The following RIT2 variants were observed in gnomAD, a reference collection of about 807,000 sequenced individuals.
RIT2 encodes the protein GTP-binding protein Rit2.
A neutral mutation model predicts 23.7 loss-of-function variants in RIT2; 24 were observed. The observed-to-expected ratio is 1.01, with a 90% CI of 0.73 to 1.43. The LOEUF is 1.43. RIT2 is among the 40% of genes most tolerant of loss of function. The pLI, the probability that RIT2 is intolerant of heterozygous loss-of-function variation, is 0.00. For synonymous variants in RIT2, 107 were observed against 91.1 expected, an observed-to-expected ratio of 1.17 and a Z score of -0.99; for missense variants, 236 against 266.9, an observed-to-expected ratio of 0.88 and a Z score of 0.81.
At chr18:43,105,036 AG>A (rs893189430) in intron 1 of RIT2, among the ~76,000 whole-genome samples, 42 of 151,896 alleles carry the variant, frequency 2.8e-4, no homozygotes, top group African/African-American at 9.4e-4. Context: ...CCCTCTAATC[AG>A]GCCCTTTGTG....
intron 4 of RIT2, among the ~76,000 whole-genome samples, chr18:42,844,727 C>G (rs1161843882): frequency 2.6e-5 from 4 of 152,010 alleles, no homozygotes; most frequent in Admixed American, 2.6e-4. Context: ...AGACATTATT[C>G]AGAAAGAACC....
chr18:42,812,050 GGTAA>G (rs1340649672), intron 4 of RIT2, among the ~76,000 whole-genome samples: 1 of 152,128 alleles, frequency 6.6e-6, no homozygotes. Flanking sequence ...CAAGATGTAT[GGTAA>G]GTGAGATAGA....
intron 2 of RIT2, among the ~76,000 whole-genome samples, chr18:42,992,369 G>A (rs1910872797): frequency 6.6e-6 from 1 of 152,012 alleles, no homozygotes; most frequent in Non-Finnish European, 1.5e-5. Flanking sequence ...ATGGTCTGAG[G>A]TGCCTGACGT....
chr18:42,806,244 G>A (rs1200900398), intron 4 of RIT2, among the ~76,000 whole-genome samples: 1 of 151,540 alleles, frequency 6.6e-6, no homozygotes, highest in East Asian at 1.9e-4. Context: ...TGAGACAGGA[G>A]GAACACTTGA....
intron 4 of RIT2, among the ~76,000 whole-genome samples, chr18:42,796,804 G>GC (rs1905378744): frequency 6.6e-6 from 1 of 152,136 alleles, no homozygotes; most frequent in Admixed American, 6.5e-5. Flanking sequence ...AGACTCAGTT[G>GC]CCAGAACTGC....
intron 1 of RIT2, among the ~76,000 whole-genome samples, chr18:43,055,027 A>T (rs575474883): frequency 6.6e-6 from 1 of 152,220 alleles, no homozygotes; most frequent in East Asian, 1.9e-4. Context: ...GTAACCCTTC[A>T]GGCTTGTGGA....
chr18:43,082,052 A>T (rs1001439058), intron 1 of RIT2, among the ~76,000 whole-genome samples: 4 of 152,072 alleles, frequency 2.6e-5, no homozygotes, highest in African/African-American at 9.7e-5. Context: ...TAGGTTATTA[A>T]TTACTGCCTC....
rs140449742 is a variant in RIT2, at chr18:42,828,147, C to G, written c.427-84427G>C. Among the ~76,000 whole-genome samples the G allele has an allele frequency of 9.7e-3, 1,478 of 152,080 alleles. 29 individuals carry two copies. The highest frequency in any genetic ancestry group is 0.034 in the African/African-American group (1,403 of 41,492). On this transcript the variant is annotated intron_variant, in intron 4 of 4. Transcript: ENST00000326695. The stretch of plus-strand genomic sequence containing the variant: ...CAAGGATATGCATTGACAAGAAACT[C>G]TCAGACTCTGCTGGCAAGACCATGA...
chr18:42,825,974 C>A (rs1054468946), intron 4 of RIT2, among the ~76,000 whole-genome samples: 3 of 151,884 alleles, frequency 2.0e-5, no homozygotes, highest in African/African-American at 7.2e-5. Flanking sequence ...TTAATTATTG[C>A]CCTGTGGATA....
intron 4 of RIT2, among the ~76,000 whole-genome samples, chr18:42,819,237 C>CAAGT (rs140864983): frequency 0.23 from 34,679 of 151,668 alleles, 5,092 homozygotes; most frequent in African/African-American, 0.42. Context: ...TTGTATTCAC[C>CAAGT]AATAGGATTA....
At chr18:42,809,551 G>T (rs929322627) in intron 4 of RIT2, among the ~76,000 whole-genome samples, 21 of 151,812 alleles carry the variant, frequency 1.4e-4, no homozygotes, top group African/African-American at 4.8e-4. Context: ...ACCTGTATGA[G>T]GCTACTTTGT....
intron 4 of RIT2, among the ~76,000 whole-genome samples, chr18:42,831,816 C>T (rs1450816332): frequency 2.6e-5 from 4 of 152,310 alleles, no homozygotes; most frequent in Non-Finnish European, 5.9e-5. Flanking sequence ...AAACATACAT[C>T]TTCATGTTAA....
intron 4 of RIT2, among the ~76,000 whole-genome samples, chr18:42,816,712 T>C (rs190550787): frequency 6.6e-6 from 1 of 152,278 alleles, no homozygotes; most frequent in East Asian, 1.9e-4. Context: ...GGAATGATAC[T>C]ACATCTGATA....
At chr18:42,970,379 T>C (rs978341016) in intron 3 of RIT2, among the ~76,000 whole-genome samples, 2 of 152,032 alleles carry the variant, frequency 1.3e-5, no homozygotes, top group African/African-American at 4.8e-5. Context: ...ATTAAAAAAA[T>C]TAAATGCTGG....
intron 4 of RIT2, among the ~76,000 whole-genome samples, chr18:42,782,098 G>C (rs946352886): frequency 6.6e-6 from 1 of 152,114 alleles, no homozygotes; most frequent in Non-Finnish European, 1.5e-5. Context: ...GTTTCTTTGT[G>C]TGTTCAGTAT....
rs189207338 is a variant in RIT2, at chr18:42,950,442, A to G, written c.234+23632T>C. Reference sequence around the variant, plus strand: ...TAAGACCTCAAACTATAAGAATCCTACAAGAAAACCTAGGAAACACCATTC... The same window carrying G: ...TAAGACCTCAAACTATAAGAATCCTGCAAGAAAACCTAGGAAACACCATTC... On this transcript the variant is annotated intron_variant, in intron 3 of 4. Transcript: ENST00000326695. 1.0e-3 allele frequency among the ~76,000 whole-genome samples: 154 copies of G among 152,242 alleles called. 1 individual carries two copies. Among genetic ancestry groups the G allele is most frequent in the African/African-American group, 3.6e-3 (150 of 41,574 alleles).
intron 4 of RIT2, among the ~76,000 whole-genome samples, chr18:42,787,332 G>A (rs934738428): frequency 9.9e-5 from 15 of 151,772 alleles, no homozygotes; most frequent in African/African-American, 3.6e-4. Flanking sequence ...TGTAAATGGC[G>A]AGTTAATGGG....
chr18:42,751,928 C>T (rs1718890539), intron 4 of RIT2, among the ~76,000 whole-genome samples: 1 of 151,860 alleles, frequency 6.6e-6, no homozygotes, highest in African/African-American at 2.4e-5. Context: ...TTTTATGTTT[C>T]AAGAAAATAC....
intron 2 of RIT2, among the ~76,000 whole-genome samples, chr18:42,990,055 T>A (rs1410181156): frequency 6.6e-6 from 1 of 150,952 alleles, no homozygotes; most frequent in Non-Finnish European, 1.5e-5. Context: ...GAATTTATTG[T>A]AAGGAATACA....
Sources: gnomAD v4.1 joint callset for allele counts (sites outside exome capture counted in the v4.1 genomes callset) on GRCh38, gnomAD v4.1.1 for gene constraint, MANE v1.5 for transcripts, NCBI Gene and HGNC (gene_info 2026-07-23, HGNC 2026-07-21) for gene names.